The following PCDHGA5 variants were observed in gnomAD, a reference collection of about 807,000 sequenced individuals.
PCDHGA5 encodes protocadherin gamma-A5.
PCDHGA5 carries 36 observed loss-of-function variants against 56.7 expected under a neutral mutation model. That is an observed-to-expected ratio of 0.64 (90% CI 0.49 to 0.84). PCDHGA5 has a LOEUF of 0.84. Among genes scored for constraint, PCDHGA5 ranks in the 40% least tolerant of loss-of-function variants. The probability of loss-of-function intolerance (pLI) is 0.00; values close to 1 mark genes in which losing one functional copy is unlikely to be tolerated. For missense variants in PCDHGA5, 1,305 were observed against 1,201.5 expected, an observed-to-expected ratio of 1.09 and a Z score of -1.27; for synonymous variants, 563 against 520.2, an observed-to-expected ratio of 1.08 and a Z score of -1.12.
At position 141,511,423 on chromosome 5, in the gene PCDHGA5, A is replaced by G. The variant is rs1301463531; in HGVS notation, c.*250A>G. On this transcript the variant is annotated 3_prime_UTR_variant, in exon 4 of 4. Transcript: ENST00000518069. ...AATCAACTGCTGTACCCATGGGGGTAGTGGGGTTACTGTAGACACCAAGAA... is the reference window on the plus strand; with the variant it reads ...AATCAACTGCTGTACCCATGGGGGTGGTGGGGTTACTGTAGACACCAAGAA... 15 of 818,384 alleles carry G rather than the reference A, an allele frequency of 1.8e-5. No homozygotes were observed. Among genetic ancestry groups the G allele is most frequent in the East Asian group, 3.0e-5 (1 of 33,874 alleles). 50.7% of individuals were successfully genotyped at this position (818,384 alleles called of 1,614,324 possible). A position where few individuals can be genotyped will look rare whatever the true frequency, so the allele number is the denominator to read the frequency against.
chr5:141,413,176 A>G lies in PCDHGA5; in HGVS notation c.2421+46425A>G, dbSNP rs758582296. 252 of 1,601,774 alleles carry G rather than the reference A, an allele frequency of 1.6e-4. 1 individual carries two copies. Among genetic ancestry groups the G allele is most frequent in the Non-Finnish European group, 2.1e-4 (243 of 1,173,006 alleles). Reference sequence around the variant, plus strand: ...TGCAGAATTCTGTAACCAGACTACAATGGCCGCTCAAAGGAATCGCTCAAA... The same window carrying G: ...TGCAGAATTCTGTAACCAGACTACAGTGGCCGCTCAAAGGAATCGCTCAAA... On this transcript the variant is annotated intron_variant, in intron 1 of 3. Coordinates refer to ENST00000518069, the MANE Select transcript of PCDHGA5 (RefSeq NM_018918.3).
intron 1 of PCDHGA5, chr5:141,384,549 G>T (rs1561602881): frequency 6.2e-7 from 1 of 1,614,244 alleles, no homozygotes; most frequent in East Asian, 2.2e-5. Flanking sequence ...CACTGAGCCT[G>T]TTCGTGCTGG....
At position 141,364,340 on chromosome 5, in the gene PCDHGA5, C is replaced by G. The variant is rs750695410; in HGVS notation, c.10C>G (p.Pro4Ala). The G allele has an allele frequency of 4.6e-6, 7 of 1,534,518 alleles. No individual in the cohort carries two copies. The highest frequency in any genetic ancestry group is 6.1e-6 in the Non-Finnish European group (7 of 1,144,800). The change falls in exon 1 of 4, where the codon CCA (proline) becomes GCA (alanine). Residue 4 changes from proline to alanine, a missense_variant. Physicochemically the swap from Pro to Ala is conservative, Grantham distance 27. Coordinates refer to ENST00000518069, the MANE Select transcript of PCDHGA5 (RefSeq NM_018918.3). The part of the protein sequence containing the change: MAS[P>A]PRGWGCGELL... The stretch of plus-strand genomic sequence containing the variant: ...GGGCAGAGAGAAGGCAATGGCGAGT[C>G]CACCTAGGGGCTGGGGCTGCGGAGA...
intron 1 of PCDHGA5, chr5:141,440,531 C>G (rs931337116): frequency 6.6e-6 from 1 of 152,272 alleles, no homozygotes; most frequent in Middle Eastern, 3.4e-3. Flanking sequence ...GAATCATGCA[C>G]CACGGTTCAG....
intron 2 of PCDHGA5, among the ~76,000 whole-genome samples, chr5:141,502,905 A>T (rs1364939091): frequency 1.5e-5 from 2 of 131,814 alleles, no homozygotes; most frequent in Non-Finnish European, 3.0e-5. Flanking sequence ...CTCTGTTGCC[A>T]GGCTGGAGTG....
intron 1 of PCDHGA5, chr5:141,405,157 G>T: frequency 6.2e-7 from 1 of 1,614,072 alleles, no homozygotes. Context: ...TGGCTGGTGT[G>T]CCCACCTCAC....
chr5:141,376,351 G>A (rs1333788917), intron 1 of PCDHGA5: 4 of 1,614,178 alleles, frequency 2.5e-6, no homozygotes, highest in Non-Finnish European at 3.4e-6. Context: ...ATTCCCACGA[G>A]GTCTCACTCA....
Position 141,485,855 on chromosome 5 carries a change from C to A in PCDHGA5, c.2422-8952C>A. ...CCCGCCGAGATCTGGCACCGCAGAG[C>A]TCCGGGTATCCGTGCTGGACGTAAA... On this transcript the variant is annotated intron_variant, in intron 1 of 3. Transcript: ENST00000518069. The surrounding 1 kb of genome is among the most constrained non-coding windows in gnomAD (Gnocchi z 5.7). 6.2e-7 allele frequency: 1 copy of A among 1,614,196 alleles called. No homozygotes were observed. Among genetic ancestry groups the A allele is most frequent in the Non-Finnish European group, 8.5e-7 (1 of 1,180,036 alleles).
intron 1 of PCDHGA5, among the ~76,000 whole-genome samples, chr5:141,456,046 C>T (rs759479772): frequency 1.3e-5 from 2 of 151,904 alleles, no homozygotes; most frequent in Non-Finnish European, 2.9e-5. Context: ...TACAGGCGCC[C>T]ACCACCACGT....
rs200765071 is a variant in PCDHGA5 at position 141,374,360 on chromosome 5, G to A, written c.2421+7609G>A. 304 of 1,613,908 alleles carry A rather than the reference G, an allele frequency of 1.9e-4. No homozygotes were observed. The highest frequency in any genetic ancestry group is 4.2e-4 in the Admixed American group (25 of 60,006). On this transcript the variant is annotated intron_variant, in intron 1 of 3. Transcript: ENST00000518069. ...GGTCACCGCGGGTAGGATAGACCGC[G>A]AGGAGCTCTGTGCTCAGAGCCCGCG...
rs781550738 is a variant in PCDHGA5 at position 141,487,383 on chromosome 5, C to A, written c.2422-7424C>A. On this transcript the variant is annotated intron_variant, in intron 1 of 3. Transcript: ENST00000518069. This position sits in a 1 kb window ranked among gnomAD's most constrained non-coding sequence, Gnocchi z 5.0. Reference sequence around the variant, plus strand: ...GGCACCTGTGCCTGTCTCACCAGATCTCGAAGGAGGGAGGGGCTTCCCCCT... The same window carrying A: ...GGCACCTGTGCCTGTCTCACCAGATATCGAAGGAGGGAGGGGCTTCCCCCT... The A allele has an allele frequency of 3.7e-6, 6 of 1,614,196 alleles. No individual in the cohort carries two copies. The South Asian group carries it at 6.6e-5, about 18-fold the overall frequency.
chr5:141,431,442 TCC>T lies in PCDHGA5; in HGVS notation c.2422-63364_2422-63363del. ...CCGGTGCGCACAGGCACCGCGCGCATCCGCGTGATGGTTCTGGATGCGAACGA... is the reference window on the plus strand; with the variant it reads ...CCGGTGCGCACAGGCACCGCGCGCATGCGTGATGGTTCTGGATGCGAACGA... On this transcript the variant is annotated intron_variant, in intron 1 of 3. Transcript: ENST00000518069. This position sits in a 1 kb window ranked among gnomAD's most constrained non-coding sequence, Gnocchi z 4.8. 1 of 1,613,746 alleles carries T rather than the reference TCC, an allele frequency of 6.2e-7. No homozygotes were observed. The highest frequency in any genetic ancestry group is 1.3e-5 in the African/African-American group (1 of 75,074).
At chr5:141,427,008 C>G (rs762510673) in intron 1 of PCDHGA5, 145 of 456,786 alleles carry the variant, frequency 3.2e-4, no homozygotes, top group African/African-American at 2.8e-3. Context: ...AGTTTTTAGC[C>G]AGGATGTATA....
intron 1 of PCDHGA5, chr5:141,400,090 A>G: frequency 6.2e-7 from 1 of 1,614,064 alleles, no homozygotes; most frequent in Non-Finnish European, 8.5e-7. Context: ...CGCCACCGCC[A>G]CGCTGCACTT....
intron 1 of PCDHGA5, among the ~76,000 whole-genome samples, chr5:141,445,738 T>G (rs553879167): frequency 9.9e-5 from 15 of 152,122 alleles, no homozygotes; most frequent in Non-Finnish European, 1.9e-4. Context: ...AAAGATCTTT[T>G]TAAAAAATAA....
intron 1 of PCDHGA5, chr5:141,400,723 C>A (rs1317017521): frequency 6.1e-6 from 4 of 660,798 alleles, no homozygotes; most frequent in Non-Finnish European, 7.7e-6. Flanking sequence ...TATAGATTTA[C>A]AAAGTAGTGA....
intron 1 of PCDHGA5, chr5:141,415,772 T>C (rs540545854): frequency 4.5e-6 from 6 of 1,336,628 alleles, no homozygotes; most frequent in African/African-American, 1.8e-5. Context: ...TTTTTTTTTT[T>C]ACTTTCTGGT....
Position 141,415,188 on chromosome 5 carries a change from C to G in PCDHGA5, c.2421+48437C>G, listed in dbSNP as rs2095841560. On this transcript the variant is annotated intron_variant, in intron 1 of 3. Coordinates refer to ENST00000518069, the MANE Select transcript of PCDHGA5 (RefSeq NM_018918.3). Reference sequence around the variant, plus strand: ...CGCTCACCGTGGCCGTGGCCGACAGCATCCCCCAAGTCCTGGCGGACCTCG... The same window carrying G: ...CGCTCACCGTGGCCGTGGCCGACAGGATCCCCCAAGTCCTGGCGGACCTCG... 3 of 1,614,006 alleles carry G rather than the reference C, an allele frequency of 1.9e-6. No homozygotes were observed. The East Asian group carries it at 6.7e-5, about 36-fold the overall frequency.
At position 141,364,797 on chromosome 5, in the gene PCDHGA5, T is replaced by C; in HGVS notation, c.467T>C (p.Phe156Ser). 6.2e-7 allele frequency: 1 copy of C among 1,613,994 alleles called. No individual in the cohort carries two copies. Among genetic ancestry groups the C allele is most frequent in the Non-Finnish European group, 8.5e-7 (1 of 1,179,902 alleles). ...GCAGGGACACGGTTAGTGCTTCCCT[T>C]CGCGCGGGATGCGGATGTGGGTGTG... ...AAAGTRLVLPFARDADVGVNS... is the reference protein window; with the variant it reads ...AAAGTRLVLPSARDADVGVNS... The change falls in exon 1 of 4, where the codon TTC (phenylalanine) becomes TCC (serine). Residue 156 changes from phenylalanine (F) to serine (S), a missense_variant. Physicochemically the swap from Phe to Ser is radical, Grantham distance 155. Coordinates refer to ENST00000518069, the MANE Select transcript of PCDHGA5 (RefSeq NM_018918.3).
Sources: gnomAD v4.1 joint callset for allele counts (sites outside exome capture counted in the v4.1 genomes callset) on GRCh38, gnomAD v4.1.1 for gene constraint, Gnocchi (gnomAD v3.1) non-coding constraint, MANE v1.5 for transcripts, NCBI Gene and HGNC (gene_info 2026-07-23, HGNC 2026-07-21) for gene names.